Variants in FGF12 observed in about 807,000 individuals in gnomAD.
FGF12 encodes fibroblast growth factor 12, also known as fibroblast growth factor 12B.
A neutral mutation model predicts 23.6 loss-of-function variants in FGF12; 14 were observed. The observed-to-expected ratio is 0.59, with a 90% CI of 0.39 to 0.93. FGF12 has a LOEUF of 0.93. FGF12 is among the 40% of genes least tolerant of loss of function. The probability of loss-of-function intolerance (pLI) is 0.00; values close to 1 mark genes in which losing one functional copy is unlikely to be tolerated. For synonymous variants in FGF12, 62 were observed against 77.3 expected, an observed-to-expected ratio of 0.80 and a Z score of 1.04; for missense variants, 175 against 217.8, an observed-to-expected ratio of 0.80 and a Z score of 1.24.
intron 2 of FGF12, among the ~76,000 whole-genome samples, chr3:192,577,204 T>TA (rs1712944344): frequency 2.0e-5 from 3 of 152,240 alleles, no homozygotes; most frequent in Middle Eastern, 3.4e-3. Flanking sequence ...TAAAGTGTAA[T>TA]AAAAAATAAA....
rs370593219 is a variant in FGF12, at chr3:192,145,649, C to T, written c.428-1522G>A. 2.6e-5 allele frequency among the ~76,000 whole-genome samples: 4 copies of T among 152,312 alleles called. No individual in the cohort carries two copies. In the East Asian group the frequency reaches 5.8e-4, roughly 22 times the overall value. ...TTAAGGCTGTTATGTAAATTAGCCA[C>T]ATATATTTTAATGAGATTTAAAAAT... On this transcript the variant is annotated intron_variant, in intron 5 of 5. Coordinates refer to ENST00000445105, the MANE Select transcript of FGF12 (RefSeq NM_004113.6).
At chr3:192,402,777 T>C (rs980839554) in intron 2 of FGF12, among the ~76,000 whole-genome samples, 5 of 152,210 alleles carry the variant, frequency 3.3e-5, no homozygotes, top group African/African-American at 7.2e-5. Context: ...AAATTTATTA[T>C]TATAGATGAT....
At position 192,489,270 on chromosome 3, in the gene FGF12, C is replaced by T. The variant is rs74378687; in HGVS notation, c.14-128732G>A. Among the ~76,000 whole-genome samples, 686 of 152,086 alleles carry T rather than the reference C, an allele frequency of 4.5e-3. 3 individuals are homozygous for T. The highest frequency in any genetic ancestry group is 8.2e-3 in the Non-Finnish European group (557 of 67,960). ...AAAGACTTAGTGAGTTTCCCATCAT[C>T]AAATGGAATACTTAATTTTCCCTAT... On this transcript the variant is annotated intron_variant, in intron 2 of 5. Transcript: ENST00000445105.
Position 192,408,504 on chromosome 3 carries a change from G to A in FGF12, c.14-47966C>T. ...TCCCAGGCCCTCTTGCGAAGTAGACGTTTGCACCCCAAACTTGCACCCCAA... is the reference window on the plus strand; with the variant it reads ...TCCCAGGCCCTCTTGCGAAGTAGACATTTGCACCCCAAACTTGCACCCCAA... On this transcript the variant is annotated intron_variant, in intron 2 of 5. Transcript: ENST00000445105. The surrounding 1 kb of genome is among the most constrained non-coding windows in gnomAD (Gnocchi z 7.3). 1 of 1,260,274 alleles carries A rather than the reference G, an allele frequency of 7.9e-7. No homozygotes were observed. The highest frequency in any genetic ancestry group is 1.0e-6 in the Non-Finnish European group (1 of 1,001,740). The allele number at this position is 1,260,274 out of a possible 1,614,324, so 78.1% of individuals were successfully genotyped here.
intron 2 of FGF12, among the ~76,000 whole-genome samples, chr3:192,582,696 A>C (rs905175820): frequency 6.6e-6 from 1 of 152,154 alleles, no homozygotes; most frequent in Non-Finnish European, 1.5e-5. Flanking sequence ...AAAAGAAAAA[A>C]AAAAATCCTT....
At chr3:192,285,427 A>G (rs1020134398) in intron 4 of FGF12, among the ~76,000 whole-genome samples, 1 of 152,086 alleles carries the variant, frequency 6.6e-6, no homozygotes, top group Non-Finnish European at 1.5e-5. Context: ...CTTATGAAGA[A>G]TATCAGCTTA....
At chr3:192,413,235 T>G (rs536066744) in intron 2 of FGF12, among the ~76,000 whole-genome samples, 2 of 152,316 alleles carry the variant, frequency 1.3e-5, no homozygotes, top group East Asian at 3.9e-4. Flanking sequence ...TTTTAAACAT[T>G]GCATTGTCCA....
chr3:192,478,713 C>T (rs77084976), intron 2 of FGF12, among the ~76,000 whole-genome samples: 1,928 of 152,070 alleles, frequency 0.013, 45 homozygotes, highest in African/African-American at 0.044. Flanking sequence ...AGGTGAACAC[C>T]GGCTGAAAGA....
At chr3:192,637,911 GA>G (rs1715643700) in intron 2 of FGF12, among the ~76,000 whole-genome samples, 1 of 152,168 alleles carries the variant, frequency 6.6e-6, no homozygotes, top group Non-Finnish European at 1.5e-5. Context: ...CAAGAAACCT[GA>G]AATGCAGAAA....
chr3:192,463,660 G>A (rs1172441161), intron 2 of FGF12, among the ~76,000 whole-genome samples: 1 of 152,106 alleles, frequency 6.6e-6, no homozygotes, highest in Non-Finnish European at 1.5e-5. Flanking sequence ...CACAGTGGCT[G>A]GCACCTAGAT....
intron 4 of FGF12, among the ~76,000 whole-genome samples, chr3:192,322,303 T>A (rs888700560): frequency 4.9e-4 from 74 of 152,180 alleles, no homozygotes; most frequent in African/African-American, 1.4e-3. Flanking sequence ...AAAATATTGA[T>A]TCAATAAATT....
intron 4 of FGF12, among the ~76,000 whole-genome samples, chr3:192,323,193 A>T (rs904260579): frequency 5.3e-5 from 8 of 152,216 alleles, no homozygotes; most frequent in Admixed American, 1.3e-4. Flanking sequence ...GAATGACCAT[A>T]TGATCCAGCA....
chr3:192,444,588 C>T (rs1371232396), intron 2 of FGF12, among the ~76,000 whole-genome samples: 1 of 152,154 alleles, frequency 6.6e-6, no homozygotes, highest in African/African-American at 2.4e-5. Context: ...ATAATTCAAA[C>T]AAGCCTATGC....
At chr3:192,584,303 C>T (rs1011053335) in intron 2 of FGF12, among the ~76,000 whole-genome samples, 2 of 151,774 alleles carry the variant, frequency 1.3e-5, no homozygotes, top group Admixed American at 6.6e-5. Flanking sequence ...CGATCTTCTT[C>T]GGCCTTGTAA....
At chr3:192,325,142 T>C (rs1292836337) in intron 4 of FGF12, among the ~76,000 whole-genome samples, 1 of 152,192 alleles carries the variant, frequency 6.6e-6, no homozygotes, top group Non-Finnish European at 1.5e-5. Flanking sequence ...TTGCAAGCGA[T>C]AATTGCCAGG....
At chr3:192,337,227 A>C (rs987540948) in intron 3 of FGF12, among the ~76,000 whole-genome samples, 5 of 152,182 alleles carry the variant, frequency 3.3e-5, no homozygotes, top group African/African-American at 1.2e-4. Context: ...CCTATGTTAC[A>C]GAAGTTCAGG....
intron 2 of FGF12, among the ~76,000 whole-genome samples, chr3:192,656,490 G>A (rs1716432415): frequency 6.6e-6 from 1 of 152,084 alleles, no homozygotes; most frequent in African/African-American, 2.4e-5. Context: ...GGGTGATCTG[G>A]CCCCCAGGGA....
intron 5 of FGF12, among the ~76,000 whole-genome samples, chr3:192,166,434 A>G (rs1715164820): frequency 6.6e-6 from 1 of 152,212 alleles, no homozygotes; most frequent in East Asian, 1.9e-4. Context: ...ACTAGGTCCC[A>G]CTATATTGAA....
intron 2 of FGF12, among the ~76,000 whole-genome samples, chr3:192,632,344 A>AT (rs1715420032): frequency 1.3e-5 from 2 of 152,238 alleles, no homozygotes; most frequent in Admixed American, 6.5e-5. Flanking sequence ...AATGATTTTG[A>AT]CTAAAAAAAA....
Sources: allele counts gnomAD v4.1 joint callset (sites outside exome capture counted in the v4.1 genomes callset), GRCh38; gene constraint gnomAD v4.1.1; non-coding constraint Gnocchi (gnomAD v3.1); transcripts MANE v1.5; gene names NCBI Gene and HGNC (gene_info 2026-07-23, HGNC 2026-07-21).